The following MAP7D2 variants were observed in gnomAD, a reference collection of about 807,000 sequenced individuals.
MAP7D2 encodes MAP7 domain-containing protein 2.
A neutral mutation model predicts 63.5 loss-of-function variants in MAP7D2; 33 were observed. The ratio of observed to expected loss-of-function variants is 0.52; its 90% CI spans 0.39 to 0.70. The LOEUF (loss-of-function observed/expected upper bound fraction) is 0.70. Ranked by LOEUF, MAP7D2 falls within the 30% of genes least tolerant of loss-of-function variation. MAP7D2 has a pLI of 0.00. For missense variants in MAP7D2, 626 were observed against 604.0 expected (o/e 1.04, Z -0.38); for synonymous variants, 224 against 223.7 (o/e 1.00, Z -0.01).
intron 1 of MAP7D2, among the ~76,000 whole-genome samples, chrX:20,102,640 G>C (rs140850390): frequency 9.1e-6 from 1 of 110,407 alleles, no homozygotes; most frequent in African/African-American, 3.3e-5. Context: ...CTGGACGGAC[G>C]GACAGAGATC....
chrX:20,116,532 C>T (rs1360740362), intron 1 of MAP7D2: 1 of 914,855 alleles, frequency 1.1e-6, no homozygotes, highest in African/African-American at 2.1e-5. Flanking sequence ...CCCACTCACC[C>T]AGGTCGCCCC....
chrX:20,040,386 A>T (rs1603367539), intron 8 of MAP7D2, among the ~76,000 whole-genome samples: 1 of 112,016 alleles, frequency 8.9e-6, no homozygotes, highest in East Asian at 2.8e-4. Flanking sequence ...TTGTGTGTTC[A>T]CTGGAGTAGC....
chrX:20,033,230 C>G lies in MAP7D2; in HGVS notation c.1008-7278G>C, dbSNP rs149991954. Among the ~76,000 whole-genome samples the G allele has an allele frequency of 4.4e-5, 5 of 112,545 alleles. No homozygotes were observed. The East Asian group carries it at 1.4e-3, about 31-fold the overall frequency. On this transcript the variant is annotated intron_variant, in intron 8 of 16. Transcript: ENST00000379643. ...GAATAATAAATTACTGTTTAAGCAA[C>G]TCAATTTTGGGGGCTTTGTAACAGC... is the stretch of plus-strand genomic sequence containing the variant.
intron 1 of MAP7D2, among the ~76,000 whole-genome samples, chrX:20,073,642 G>A (rs762164980): frequency 1.1e-4 from 12 of 105,570 alleles, no homozygotes; most frequent in Admixed American, 6.1e-4. Context: ...CCATTCTCCT[G>A]CCTCAGCCTC....
chrX:20,110,786 A>G (rs1182099583), intron 1 of MAP7D2, among the ~76,000 whole-genome samples: 1 of 111,179 alleles, frequency 9.0e-6, no homozygotes, highest in African/African-American at 3.3e-5. Context: ...GTGCTGGAAC[A>G]AATCCCCCAT....
At chrX:20,114,618 AACC>A (rs1213580299) in intron 1 of MAP7D2, among the ~76,000 whole-genome samples, 5 of 112,434 alleles carry the variant, frequency 4.4e-5, no homozygotes, top group African/African-American at 1.6e-4. Context: ...ATATCGGAAG[AACC>A]TGTTGCTAGA....
At chrX:20,102,630 C>T (rs772085356) in intron 1 of MAP7D2, among the ~76,000 whole-genome samples, 2 of 110,672 alleles carry the variant, frequency 1.8e-5, no homozygotes, top group Admixed American at 9.7e-5. Context: ...GGACGGTGAC[C>T]TGGACGGACG....
chrX:20,023,516 G>A (rs868521755), intron 10 of MAP7D2, among the ~76,000 whole-genome samples: 2 of 112,729 alleles, frequency 1.8e-5, no homozygotes, highest in South Asian at 3.7e-4. Context: ...GTTAGGCAAC[G>A]AGGAGGAGTG....
chrX:20,018,114 G>A (rs1488822799), intron 10 of MAP7D2, among the ~76,000 whole-genome samples: 1 of 110,104 alleles, frequency 9.1e-6, no homozygotes, highest in Non-Finnish European at 1.9e-5. Context: ...TTACAGGTAT[G>A]CGCCACCATG....
intron 1 of MAP7D2, among the ~76,000 whole-genome samples, chrX:20,069,763 C>T (rs761407946): frequency 2.0e-5 from 2 of 102,470 alleles, no homozygotes; most frequent in East Asian, 5.9e-4. Flanking sequence ...GGTACATGGG[C>T]TCTCTCTGTA....
chrX:20,075,276 T>C (rs2065614597), intron 1 of MAP7D2, among the ~76,000 whole-genome samples: 1 of 111,793 alleles, frequency 8.9e-6, no homozygotes. Context: ...ACTCTGTCTT[T>C]ATGTTCTTGG....
intron 1 of MAP7D2, among the ~76,000 whole-genome samples, chrX:20,105,683 A>T (rs1343468373): frequency 9.0e-6 from 1 of 111,193 alleles, no homozygotes; most frequent in Non-Finnish European, 1.9e-5. Flanking sequence ...AGATGACCAG[A>T]TCGAATCTCA....
At chrX:20,090,956 G>A (rs1419690502) in intron 1 of MAP7D2, among the ~76,000 whole-genome samples, 4 of 108,411 alleles carry the variant, frequency 3.7e-5, no homozygotes, top group African/African-American at 1.4e-4. Context: ...GTGACAGAGT[G>A]AGACCTCATC....
intron 8 of MAP7D2, among the ~76,000 whole-genome samples, chrX:20,036,390 G>A (rs1418006134): frequency 2.8e-5 from 3 of 107,692 alleles, no homozygotes; most frequent in Admixed American, 1.0e-4. Flanking sequence ...TTACAGGTGC[G>A]TGCCACCACG....
At chrX:20,013,206 A>G in intron 13 of MAP7D2, 74 bp from the exon 14 acceptor site, 1 of 759,202 alleles carries the variant, frequency 1.3e-6, no homozygotes, top group Non-Finnish European at 2.0e-6. Flanking sequence ...TTTTAAAAGC[A>G]TCCGATGATA....
chrX:20,106,723 A>G (rs766122440), intron 1 of MAP7D2, among the ~76,000 whole-genome samples: 2 of 112,488 alleles, frequency 1.8e-5, no homozygotes, highest in Admixed American at 9.4e-5. Flanking sequence ...AGAATGTCAG[A>G]TATCTCATTA....
chrX:20,051,006 A>C, intron 5 of MAP7D2, 60 bp from the exon 6 acceptor site: 3 of 988,286 alleles, frequency 3.0e-6, no homozygotes, highest in Non-Finnish European at 4.0e-6. Flanking sequence ...ACAAAATAAA[A>C]CATTTAAACA....
chrX:20,043,826 GC>G lies in MAP7D2; in HGVS notation c.879+537del, dbSNP rs369625778. Among the ~76,000 whole-genome samples, 18 of 111,988 alleles carry G rather than the reference GC, an allele frequency of 1.6e-4. No homozygotes were observed. In the South Asian group the frequency reaches 3.4e-3, roughly 21 times the overall value. On this transcript the variant is annotated intron_variant, in intron 7 of 16. Transcript: ENST00000379643. The stretch of plus-strand genomic sequence containing the variant: ...TCTCAACATTTAATTTACTGATAGT[GC>G]CAGTATGCCATCAAAAATGTTTAAG...
chrX:20,103,707 A>C (rs2066496222), intron 1 of MAP7D2, among the ~76,000 whole-genome samples: 1 of 112,135 alleles, frequency 8.9e-6, no homozygotes, highest in African/African-American at 3.2e-5. Flanking sequence ...GAAACAATTA[A>C]AAACTCAGGT....
Sources: gnomAD v4.1 joint callset for allele counts (sites outside exome capture counted in the v4.1 genomes callset) on GRCh38, gnomAD v4.1.1 for gene constraint, MANE v1.5 for transcripts, NCBI Gene and HGNC (gene_info 2026-07-23, HGNC 2026-07-21) for gene names.